Variants in PIEZO1 observed in about 807,000 individuals in gnomAD.
PIEZO1 encodes piezo-type mechanosensitive ion channel component 1.
PIEZO1 carries 296 observed loss-of-function variants against 297.2 expected under a neutral mutation model. The observed-to-expected ratio is 1.00, with a 90% CI of 0.91 to 1.10. The LOEUF is 1.10. PIEZO1 is among the 50% of genes least tolerant of loss of function. The pLI, the probability that PIEZO1 is intolerant of heterozygous loss-of-function variation, is 0.00. For missense variants in PIEZO1, 5,018 were observed against 3,455.5 expected, an observed-to-expected ratio of 1.45 and a Z score of -11.34; for synonymous variants, 2,427 against 1,507.5, an observed-to-expected ratio of 1.61 and a Z score of -14.13.
chr16:88,778,309 T>C (rs991217119), intron 1 of PIEZO1, among the ~76,000 whole-genome samples: 5 of 151,670 alleles, frequency 3.3e-5, no homozygotes, highest in African/African-American at 1.2e-4. Context: ...CCACAGGGGG[T>C]GGCTGAGGCG....
intron 1 of PIEZO1, among the ~76,000 whole-genome samples, chr16:88,778,058 T>G (rs1342489477): frequency 2.0e-5 from 3 of 152,120 alleles, no homozygotes; most frequent in Non-Finnish European, 4.4e-5. Context: ...TGAGTTTCAT[T>G]GTTTTCCCCG....
Position 88,742,405 on chromosome 16 carries a change from G to T in PIEZO1, c.178C>A (p.Leu60Met), listed in dbSNP as rs1822542715. ...CGLQGHTGRL[L>M]RALLGLSLLF... ...AGGCTGAGGCCCAGCAATGCCCGCAGGAGGCGGCCTGTGTGACCTGCGGCA... is the reference window on the plus strand; with the variant it reads ...AGGCTGAGGCCCAGCAATGCCCGCATGAGGCGGCCTGTGTGACCTGCGGCA... Residue 60 changes from leucine to methionine, a missense_variant, in exon 3 of 51, where the codon CTG becomes ATG. Leu to Met is a conservative substitution (Grantham distance 15). Transcript: ENST00000301015. The T allele has an allele frequency of 1.3e-6, 2 of 1,534,926 alleles. No homozygotes were observed. The highest frequency in any genetic ancestry group is 3.9e-5 in the Admixed American group (2 of 50,906).
intron 12 of PIEZO1, among the ~76,000 whole-genome samples, chr16:88,735,747 G>C (rs578229442): frequency 1.3e-5 from 2 of 152,270 alleles, no homozygotes; most frequent in African/African-American, 4.8e-5. Flanking sequence ...TGCACAGCTT[G>C]TCACTGAGAC....
chr16:88,772,775 C>CAAAA (rs59210137), intron 1 of PIEZO1, among the ~76,000 whole-genome samples: 1 of 122,498 alleles, frequency 8.2e-6, no homozygotes, highest in African/African-American at 3.2e-5. Flanking sequence ...GAGACTCTGT[C>CAAAA]AAAAAAAAAA....
intron 5 of PIEZO1, chr16:88,739,071 C>A (rs970257435): frequency 1.3e-5 from 4 of 300,566 alleles, no homozygotes; most frequent in Non-Finnish European, 2.5e-5. Flanking sequence ...CACCTCATCT[C>A]CCCGAACCAC....
In PIEZO1 at chr16:88,722,053, G is replaced by C. The variant is rs763940836; in HGVS notation, c.4969C>G (p.Pro1657Ala). The C allele has an allele frequency of 6.5e-6, 10 of 1,546,550 alleles. No homozygotes were observed. The highest frequency in any genetic ancestry group is 8.7e-6 in the Non-Finnish European group (10 of 1,145,846). The change falls in exon 37 of 51, where the codon CCA becomes GCA. Residue 1657 changes from proline (P) to alanine (A), a missense_variant. By Grantham distance (27) the Pro-to-Ala change is conservative (BLOSUM62 -1). Transcript: ENST00000301015. Reference protein sequence around the residue: ...ELLLDRRLRIPELEEAELFAE... With the variant: ...ELLLDRRLRIAELEEAELFAE... ...AACAGCTCTGCCTCCTCCAGCTCTG[G>C]GATGCGCAGGCGCCTACAGGGAGAC... is the stretch of plus-strand genomic sequence containing the variant.
intron 49 of PIEZO1, 28 bp from the exon 50 acceptor site, chr16:88,716,147 G>A: frequency 6.5e-7 from 1 of 1,529,258 alleles, no homozygotes; most frequent in South Asian, 1.2e-5. Context: ...GATCGTTGAG[G>A]CCGCAGGTCA....
At chr16:88,717,309 A>T in intron 44 of PIEZO1, 98 bp from the exon 45 acceptor site, 1 of 1,093,504 alleles carries the variant, frequency 9.1e-7, no homozygotes, top group Non-Finnish European at 1.3e-6. Context: ...GAAAAGCCCC[A>T]GCCTGACCTC....
At chr16:88,784,369 G>A (rs1371265027) in intron 1 of PIEZO1, among the ~76,000 whole-genome samples, 1 of 152,250 alleles carries the variant, frequency 6.6e-6, no homozygotes, top group Non-Finnish European at 1.5e-5. Flanking sequence ...GTGCAGCGGT[G>A]AGCGGGGCTG....
Position 88,742,291 on chromosome 16 carries a change from G to C in PIEZO1, c.283+9C>G, listed in dbSNP as rs1905731918. 3.9e-6 allele frequency: 6 copies of C among 1,529,834 alleles called. No individual in the cohort carries two copies. The highest frequency in any genetic ancestry group is 5.2e-6 in the Non-Finnish European group (6 of 1,143,322). The allele number at this position is 1,529,834 out of a possible 1,614,324, so 94.8% of individuals were successfully genotyped here. ...TGGCTATCCCTACCCCGCCCCCTCAGCGACTCACAGCTGGGTCCCAGGAGC... is the reference window on the plus strand; with the variant it reads ...TGGCTATCCCTACCCCGCCCCCTCACCGACTCACAGCTGGGTCCCAGGAGC... On this transcript the variant is annotated intron_variant, in intron 3 of 50. Coordinates refer to ENST00000301015, the MANE Select transcript of PIEZO1 (RefSeq NM_001142864.4).
At chr16:88,769,718 C>T (rs546345009) in intron 1 of PIEZO1, among the ~76,000 whole-genome samples, 1 of 152,028 alleles carries the variant, frequency 6.6e-6, no homozygotes, top group African/African-American at 2.4e-5. Context: ...AGGACCTGAG[C>T]CAGGTCTGGG....
At chr16:88,783,740 T>C (rs1354114458) in intron 1 of PIEZO1, among the ~76,000 whole-genome samples, 3 of 152,204 alleles carry the variant, frequency 2.0e-5, no homozygotes, top group Non-Finnish European at 4.4e-5. Context: ...CCAGCCTCAA[T>C]GGTTTTCATT....
At chr16:88,726,664 C>CGGGGCCAGT (rs1567666211) in intron 25 of PIEZO1, 21 bp from the exon 26 acceptor site, 23 of 1,329,456 alleles carry the variant, frequency 1.7e-5, no homozygotes, top group Non-Finnish European at 2.3e-5. Context: ...GCAGGGTCAG[C>CGGGGCCAGT]GGGGCCAGCG....
chr16:88,732,109 G>A (rs1597455035), intron 21 of PIEZO1, among the ~76,000 whole-genome samples, 199 bp from the exon 22 acceptor site: 1 of 152,018 alleles, frequency 6.6e-6, no homozygotes, highest in Middle Eastern at 3.4e-3. Context: ...TGAGGCTCCA[G>A]GAGGTGGGCT....
At chr16:88,747,343 CCT>C (rs1316832638) in intron 2 of PIEZO1, among the ~76,000 whole-genome samples, 16 of 152,230 alleles carry the variant, frequency 1.1e-4, no homozygotes, top group South Asian at 4.2e-4. Flanking sequence ...TGGTAAAACC[CCT>C]GTCTCTACAA....
chr16:88,754,291 G>C (rs1194076558), intron 1 of PIEZO1, among the ~76,000 whole-genome samples: 1 of 152,158 alleles, frequency 6.6e-6, no homozygotes, highest in Non-Finnish European at 1.5e-5. Flanking sequence ...CTTTCAGTGG[G>C]TGCTGGCCAG....
At chr16:88,754,491 G>T (rs189976594) in intron 1 of PIEZO1, among the ~76,000 whole-genome samples, 1 of 152,186 alleles carries the variant, frequency 6.6e-6, no homozygotes, top group African/African-American at 2.4e-5. Flanking sequence ...ACCCACGCCC[G>T]GGTGGGAGAG....
chr16:88,726,556 A>C lies in PIEZO1; in HGVS notation c.3787T>G (p.Tyr1263Asp). ...CGTCCTGGCCACTCACGGTCATAGT[A>C]GCCCTTGACGGTGCATACAAGGCTG... ...LFSLVCTVKG[Y>D]YDPKEMMDRD... The change falls in exon 26 of 51, where the codon TAC (tyrosine) becomes GAC (aspartate). Residue 1263 changes from tyrosine (Y) to aspartate (D), a missense_variant. Tyr to Asp is a radical substitution (Grantham distance 160). Transcript: ENST00000301015. The C allele has an allele frequency of 6.5e-7, 1 of 1,549,846 alleles. No individual in the cohort carries two copies. Among genetic ancestry groups the C allele is most frequent in the Non-Finnish European group, 8.7e-7 (1 of 1,146,584 alleles).
In PIEZO1 at chr16:88,738,723, C is replaced by G; in HGVS notation, c.479G>C (p.Arg160Thr). 1 of 1,531,514 alleles carries G rather than the reference C, an allele frequency of 6.5e-7. No homozygotes were observed. Among genetic ancestry groups the G allele is most frequent in the Non-Finnish European group, 8.7e-7 (1 of 1,143,396 alleles). The allele number at this position is 1,531,514 out of a possible 1,614,324, so 94.9% of individuals were successfully genotyped here. Reference protein sequence around the residue: ...PHPRELDDDERDVDASPTAGL... With the variant: ...PHPRELDDDETDVDASPTAGL... ...TGCCGTCGGGCTGGCATCCACATCC[C>G]TCTCATCATCATCCTGCCAAGGTCA... Residue 160 changes from arginine (R) to threonine (T), a missense_variant, in exon 6 of 51, where the codon AGG (arginine) becomes ACG (threonine). Arg to Thr is a moderately conservative substitution (Grantham distance 71, BLOSUM62 -1). Transcript: ENST00000301015.
Sources: allele counts gnomAD v4.1 joint callset (sites outside exome capture counted in the v4.1 genomes callset), GRCh38; gene constraint gnomAD v4.1.1; transcripts MANE v1.5; gene names NCBI Gene and HGNC (gene_info 2026-07-23, HGNC 2026-07-21).